Variants in PGM2 observed in about 807,000 individuals in gnomAD.
The protein encoded by PGM2 is phosphopentomutase.
PGM2 carries 57 observed loss-of-function variants against 74.6 expected under a neutral mutation model. The observed-to-expected ratio is 0.76, with a 90% CI of 0.62 to 0.95. The LOEUF is 0.95. PGM2 is among the 40% of genes least tolerant of loss of function. The pLI is 0.00. For missense variants in PGM2, 706 were observed against 741.9 expected (o/e 0.95, Z 0.56); for synonymous variants, 273 against 260.7 (o/e 1.05, Z -0.46).
Position 37,857,066 on chromosome 4 carries a change from A to G in PGM2, c.1736+1325A>G, listed in dbSNP as rs1711545004. Among the ~76,000 whole-genome samples, 3 of 152,212 alleles carry G rather than the reference A, an allele frequency of 2.0e-5. No homozygotes were observed. The South Asian group carries it at 6.2e-4, about 31-fold the overall frequency. ...TTGATCTGTAGAGTTAATAAAATTT[A>G]GATTAGACAAAGTAGATTTTAATAC... On this transcript the variant is annotated intron_variant, in intron 13 of 13. Coordinates refer to ENST00000381967, the MANE Select transcript of PGM2 (RefSeq NM_018290.4).
At position 37,840,178 on chromosome 4, in the gene PGM2, A is replaced by AT. The variant is rs761578571; in HGVS notation, c.639dup (p.Ser214Ter). 6.2e-7 allele frequency: 1 copy of AT among 1,612,804 alleles called. No homozygotes were observed. The highest frequency in any genetic ancestry group is 2.2e-5 in the East Asian group (1 of 44,878). Reference sequence around the variant, plus strand: ...CAAGCTTGGGACGATTCTTTAATTGATAGCAGTCCACTTCTCCACAATCCG... The same window carrying AT: ...CAAGCTTGGGACGATTCTTTAATTGATTAGCAGTCCACTTCTCCACAATCCG... On this transcript the variant is annotated frameshift_variant, in exon 6 of 14. Transcript: ENST00000381967. LOFTEE classifies it high-confidence loss of function.
chr4:37,845,317 C>T (rs1725841177), intron 7 of PGM2, among the ~76,000 whole-genome samples: 1 of 152,206 alleles, frequency 6.6e-6, no homozygotes. Flanking sequence ...AGGCTGATCA[C>T]ACAGCAATGC....
In PGM2 at chr4:37,830,037, G is replaced by C; in HGVS notation, c.155G>C (p.Gly52Ala). 1 of 1,607,120 alleles carries C rather than the reference G, an allele frequency of 6.2e-7. No homozygotes were observed. The highest frequency in any genetic ancestry group is 1.1e-5 in the South Asian group (1 of 90,148). ...AAAGAAGAACTACGAAAATGTTTTG[G>C]GGCCCGAATGGAGTTTGGGACAGCT... ...GNKEELRKCF[G>A]ARMEFGTAGL... Residue 52 changes from glycine (G) to alanine (A), a missense_variant, in exon 2 of 14, where the codon GGG becomes GCG. Gly to Ala is a moderately conservative substitution (Grantham distance 60). Transcript: ENST00000381967.
chr4:37,858,098 T>A (rs996702772), intron 13 of PGM2, among the ~76,000 whole-genome samples: 1 of 152,192 alleles, frequency 6.6e-6, no homozygotes, highest in Admixed American at 6.6e-5. Context: ...TTTAAATGTT[T>A]AAGGCTTTAT....
At chr4:37,830,908 CAG>C (rs1255844499) in intron 2 of PGM2, among the ~76,000 whole-genome samples, 1 of 151,990 alleles carries the variant, frequency 6.6e-6, no homozygotes, top group African/African-American at 2.4e-5. Context: ...AGAATTACCA[CAG>C]GGGCCAGGCG....
chr4:37,859,823 A>T (rs1711702753), intron 13 of PGM2, among the ~76,000 whole-genome samples: 1 of 152,204 alleles, frequency 6.6e-6, no homozygotes, highest in Non-Finnish European at 1.5e-5. Context: ...TTTCCTAAAC[A>T]TTCTGATAAA....
At chr4:37,837,480 T>C (rs2152175886) in intron 3 of PGM2, 49 bp from the exon 4 acceptor site, 1 of 1,051,586 alleles carries the variant, frequency 9.5e-7, no homozygotes, top group South Asian at 1.3e-5. Flanking sequence ...TCACTCACAG[T>C]CCTGATCACT....
chr4:37,851,243 T>C (rs567030104), intron 12 of PGM2, among the ~76,000 whole-genome samples: 115 of 152,330 alleles, frequency 7.5e-4, no homozygotes, highest in Non-Finnish European at 1.5e-3. Flanking sequence ...ACCTGGACTT[T>C]CCGATTCAGT....
intron 9 of PGM2, 31 bp from the exon 10 acceptor site, chr4:37,847,171 C>T: frequency 1.3e-6 from 2 of 1,596,056 alleles, no homozygotes; most frequent in Non-Finnish European, 1.7e-6. Context: ...AGATCTAAGG[C>T]ATGTCTTTCT....
intron 2 of PGM2, 36 bp from the exon 3 acceptor site, chr4:37,834,582 T>G: frequency 1.9e-6 from 2 of 1,074,552 alleles, no homozygotes; most frequent in Non-Finnish European, 2.8e-6. Flanking sequence ...AAAAATATGT[T>G]AAAACATACT....
Position 37,855,601 on chromosome 4 carries a change from T to A in PGM2, c.1603-7T>A. Reference sequence around the variant, plus strand: ...TTTAAATTTATAATGTGTGCATTAATTCCTAGGTTCTTCCCACTAGTAAAA... The same window carrying A: ...TTTAAATTTATAATGTGTGCATTAAATCCTAGGTTCTTCCCACTAGTAAAA... On this transcript the variant is annotated splice_polypyrimidine_tract_variant and splice_region_variant and intron_variant, in intron 12 of 13. Coordinates refer to ENST00000381967, the MANE Select transcript of PGM2 (RefSeq NM_018290.4). The A allele has an allele frequency of 3.1e-6, 5 of 1,612,428 alleles. No individual in the cohort carries two copies. The highest frequency in any genetic ancestry group is 4.2e-6 in the Non-Finnish European group (5 of 1,179,232).
rs200864830 is a variant in PGM2, at chr4:37,848,527, A to G, written c.1288A>G (p.Met430Val). 3.1e-6 allele frequency: 5 copies of G among 1,613,108 alleles called. No individual in the cohort carries two copies. Among genetic ancestry groups the G allele is most frequent in the African/African-American group, 1.3e-5 (1 of 74,886 alleles). The change falls in exon 11 of 14, where the codon ATG becomes GTG. Residue 430 changes from methionine to valine, a missense_variant. This residue lies in a region of PGM2 where 359 missense variants were observed against 371.1 expected (regional missense o/e 0.97). Transcript: ENST00000381967. ...TATGACGTGTGTTTCTGCAGGATACATGTGCTGCCCTTTTGTTCTGGACAA... is the reference window on the plus strand; with the variant it reads ...TATGACGTGTGTTTCTGCAGGATACGTGTGCTGCCCTTTTGTTCTGGACAA... ...LFAFEEAIGYMCCPFVLDKDG... is the reference protein window; with the variant it reads ...LFAFEEAIGYVCCPFVLDKDG...
Position 37,834,678 on chromosome 4 carries a change from A to T in PGM2, c.310A>T (p.Ser104Cys). ...CTTAAAGCAGAAAGGCATCGTGATC[A>T]GTTTTGACGCCCGAGCTCATCCATC... is the stretch of plus-strand genomic sequence containing the variant. ...SDLKQKGIVI[S>C]FDARAHPSSG... Residue 104 changes from serine (S) to cysteine (C), a missense_variant, in exon 3 of 14, where the codon AGT becomes TGT. This residue lies in a region of PGM2 where 332 missense variants were observed against 334.9 expected (regional missense o/e 0.99). Transcript: ENST00000381967. 6.2e-7 allele frequency: 1 copy of T among 1,604,166 alleles called. No homozygotes were observed. Among genetic ancestry groups the T allele is most frequent in the Non-Finnish European group, 8.5e-7 (1 of 1,172,070 alleles).
chr4:37,833,534 A>G (rs1725489593), intron 2 of PGM2, among the ~76,000 whole-genome samples: 1 of 152,222 alleles, frequency 6.6e-6, no homozygotes, highest in Non-Finnish European at 1.5e-5. Context: ...GCACTCCAGC[A>G]TGGGAGAGAG....
rs2290743 is a variant in PGM2 at position 37,846,677 on chromosome 4, C to T, written c.1008-254C>T. ...GCCATTGTGTGTCATGTGTGACATA[C>T]TTATTTTATACAGTCTTCAAAGACA... On this transcript the variant is annotated intron_variant, in intron 8 of 13. Transcript: ENST00000381967. 0.012 allele frequency among the ~76,000 whole-genome samples: 1,817 copies of T among 152,296 alleles called. 132 individuals are homozygous for T. The East Asian group carries it at 0.2, about 17-fold the overall frequency.
chr4:37,840,055 G>A lies in PGM2; in HGVS notation c.526-11G>A, dbSNP rs753775155. ...CTGTAAACCTTCTGAATGTGTTCCT[G>A]GGTCCTCTAGGTCTATTGGGATAAT... On this transcript the variant is annotated splice_polypyrimidine_tract_variant and intron_variant, in intron 5 of 13. Transcript: ENST00000381967. The A allele has an allele frequency of 6.2e-7, 1 of 1,607,272 alleles. No individual in the cohort carries two copies. Among genetic ancestry groups the A allele is most frequent in the Non-Finnish European group, 8.5e-7 (1 of 1,174,598 alleles).
chr4:37,860,048 T>G (rs1711710920), intron 13 of PGM2, among the ~76,000 whole-genome samples: 1 of 152,198 alleles, frequency 6.6e-6, no homozygotes, highest in Non-Finnish European at 1.5e-5. Context: ...CTGATTTCTT[T>G]TTCACACATA....
At chr4:37,849,311 A>T (rs941250576) in intron 11 of PGM2, among the ~76,000 whole-genome samples, 1 of 151,936 alleles carries the variant, frequency 6.6e-6, no homozygotes, top group African/African-American at 2.4e-5. Context: ...ATCCAAAGAG[A>T]ATACAGAAAT....
At chr4:37,836,568 C>G (rs1432513574) in intron 3 of PGM2, among the ~76,000 whole-genome samples, 1 of 152,200 alleles carries the variant, frequency 6.6e-6, no homozygotes, top group Non-Finnish European at 1.5e-5. Context: ...GCGATCTGCT[C>G]TTTGTGCCCC....
Sources: gnomAD v4.1 joint callset for allele counts (sites outside exome capture counted in the v4.1 genomes callset) on GRCh38, gnomAD v4.1.1 for gene constraint, gnomAD v4.1.1 regional missense constraint, MANE v1.5 for transcripts, NCBI Gene and HGNC (gene_info 2026-07-23, HGNC 2026-07-21) for gene names.